TLN2: variants seen among roughly 807,000 people sequenced by gnomAD.
The protein encoded by TLN2 is talin 2.
A neutral mutation model predicts 294.7 loss-of-function variants in TLN2; 118 were observed. The observed-to-expected ratio is 0.40, with a 90% CI of 0.34 to 0.47. TLN2 has a LOEUF of 0.47. Among genes scored for constraint, TLN2 ranks in the 20% least tolerant of loss-of-function variants. The pLI is 0.84. For synonymous variants in TLN2, 1,431 were observed against 1,304.5 expected, an observed-to-expected ratio of 1.10 and a Z score of -2.09; for missense variants, 3,083 against 3,282.2, an observed-to-expected ratio of 0.94 and a Z score of 1.48.
rs78197200 is a variant in TLN2, at chr15:62,543,465, A to G, written c.-237-46222A>G. 4.4e-3 allele frequency among the ~76,000 whole-genome samples: 671 copies of G among 152,344 alleles called. 9 individuals are homozygous for G. The highest frequency in any genetic ancestry group is 0.015 in the African/African-American group (635 of 41,576). On this transcript the variant is annotated intron_variant, in intron 1 of 58. Transcript: ENST00000636159. ...TGAAAAATGATGAGACAGATGTAAG[A>G]TGGAGCTCTAGGCCAGACGCGCTGG...
At chr15:62,722,048 C>T (rs147297954) in intron 25 of TLN2, among the ~76,000 whole-genome samples, 19 of 152,212 alleles carry the variant, frequency 1.2e-4, no homozygotes, top group African/African-American at 3.6e-4. Context: ...ACAGTGAAAC[C>T]TATTTAATAA....
intron 50 of TLN2, among the ~76,000 whole-genome samples, chr15:62,804,261 C>T (rs1263285682): frequency 6.6e-6 from 1 of 152,160 alleles, no homozygotes; most frequent in African/African-American, 2.4e-5. Context: ...TCCTGGGAAA[C>T]TACAGACACA....
At chr15:62,681,604 T>C (rs2056834617) in intron 11 of TLN2, among the ~76,000 whole-genome samples, 3 of 152,326 alleles carry the variant, frequency 2.0e-5, no homozygotes, top group African/African-American at 7.2e-5. Context: ...GATGGTAATT[T>C]ACACCTGTGT....
At chr15:62,667,175 C>T (rs551420450) in intron 9 of TLN2, among the ~76,000 whole-genome samples, 11 of 152,200 alleles carry the variant, frequency 7.2e-5, no homozygotes, top group African/African-American at 2.4e-4. Context: ...ACCATGTTAG[C>T]CAGGATGGTC....
At chr15:62,477,045 G>A (rs1212035836) in intron 1 of TLN2, among the ~76,000 whole-genome samples, 3 of 152,178 alleles carry the variant, frequency 2.0e-5, no homozygotes, top group African/African-American at 7.2e-5. Context: ...TATTTCTTGA[G>A]TATTTACTAT....
chr15:62,507,275 A>G (rs1398127656), intron 1 of TLN2, among the ~76,000 whole-genome samples: 3 of 152,206 alleles, frequency 2.0e-5, no homozygotes, highest in Non-Finnish European at 4.4e-5. Context: ...CTCAAGACGA[A>G]GTTATCAGTC....
At chr15:62,657,683 G>T in intron 8 of TLN2, 88 bp from the exon 9 acceptor site, 2 of 1,525,404 alleles carry the variant, frequency 1.3e-6, no homozygotes, top group Non-Finnish European at 8.8e-7. Flanking sequence ...GCTCCACAGA[G>T]GGTGTACTGG....
intron 12 of TLN2, among the ~76,000 whole-genome samples, chr15:62,689,855 T>C (rs867455451): frequency 6.0e-5 from 3 of 49,610 alleles, no homozygotes; most frequent in Admixed American, 2.2e-4. Context: ...TCTTTTTTTT[T>C]TTTTTTTTTT....
intron 1 of TLN2, among the ~76,000 whole-genome samples, chr15:62,466,504 C>G (rs1212397476): frequency 2.0e-5 from 3 of 152,240 alleles, no homozygotes; most frequent in African/African-American, 7.2e-5. Context: ...CCAAAAACGT[C>G]TCCAGACATT....
chr15:62,708,643 G>T lies in TLN2; in HGVS notation c.2314G>T (p.Ala772Ser), dbSNP rs150742531. 5.9e-5 allele frequency: 95 copies of T among 1,614,076 alleles called. No homozygotes were observed. The highest frequency in any genetic ancestry group is 7.6e-5 in the Non-Finnish European group (90 of 1,180,052). ...TAGTGAGCTCCTGAAGCAGGTCAGC[G>T]CAGCGGCCAGCGTGGTCAGCCAGGC... ...TDSELLKQVS[A>S]AASVVSQALH... The change falls in exon 21 of 59, where the codon GCA becomes TCA. Residue 772 changes from alanine to serine, a missense_variant. Transcript: ENST00000636159.
At chr15:62,634,759 G>A (rs921935391) in intron 3 of TLN2, among the ~76,000 whole-genome samples, 5 of 152,200 alleles carry the variant, frequency 3.3e-5, no homozygotes, top group African/African-American at 1.2e-4. Flanking sequence ...ATTCGGGTTC[G>A]ATCTGGTAGG....
intron 1 of TLN2, among the ~76,000 whole-genome samples, chr15:62,429,653 G>A (rs946545751): frequency 6.6e-6 from 1 of 152,166 alleles, no homozygotes; most frequent in African/African-American, 2.4e-5. Flanking sequence ...TAATTTTGGG[G>A]GTGGGAACTG....
intron 3 of TLN2, among the ~76,000 whole-genome samples, chr15:62,641,073 A>G (rs1319680450): frequency 6.6e-6 from 1 of 151,918 alleles, no homozygotes; most frequent in Non-Finnish European, 1.5e-5. Flanking sequence ...AAGTACTAGG[A>G]TTACAGGCAT....
At chr15:62,437,584 A>G (rs2140299599) in intron 1 of TLN2, among the ~76,000 whole-genome samples, 1 of 152,222 alleles carries the variant, frequency 6.6e-6, no homozygotes, top group South Asian at 2.1e-4. Flanking sequence ...TGGTATAGGT[A>G]CATTTGGGCA....
Position 62,736,961 on chromosome 15 carries a change from G to A in TLN2, c.3442G>A (p.Ala1148Thr), listed in dbSNP as rs2280279. 868 of 1,614,166 alleles carry A rather than the reference G, an allele frequency of 5.4e-4. 4 individuals carry two copies. In the African/African-American group the frequency reaches 0.01, roughly 19 times the overall value. Residue 1148 changes from alanine (A) to threonine (T), a missense_variant, in exon 29 of 59, where the codon GCG becomes ACG. Transcript: ENST00000636159. ...AGTGGCTGCATCGACAACCGACCCC[G>A]CGGCCGCCCATGCCATGTTAGATTC... Reference protein sequence around the residue: ...RGVAASTTDPAAAHAMLDSAR... With the variant: ...RGVAASTTDPTAAHAMLDSAR...
At chr15:62,619,766 G>A (rs1053092365) in intron 3 of TLN2, among the ~76,000 whole-genome samples, 2 of 152,316 alleles carry the variant, frequency 1.3e-5, no homozygotes, top group African/African-American at 2.4e-5. Flanking sequence ...CTAGAGCCTT[G>A]GAGGGTAGCG....
intron 19 of TLN2, among the ~76,000 whole-genome samples, chr15:62,705,699 G>A (rs1226044384): frequency 6.6e-6 from 1 of 152,340 alleles, no homozygotes; most frequent in East Asian, 1.9e-4. Context: ...CATTCAAGCT[G>A]TGTTTTCACT....
At chr15:62,816,001 G>A (rs1476743598) in intron 52 of TLN2, among the ~76,000 whole-genome samples, 1 of 152,070 alleles carries the variant, frequency 6.6e-6, no homozygotes, top group Admixed American at 6.5e-5. Flanking sequence ...TTCTGCAACC[G>A]TCATCAAAGA....
chr15:62,503,722 G>A (rs1162452282), intron 1 of TLN2, among the ~76,000 whole-genome samples: 2 of 152,144 alleles, frequency 1.3e-5, no homozygotes, highest in Non-Finnish European at 2.9e-5. Context: ...GAAGGATATT[G>A]TCCTGTTGTG....
Sources: gnomAD v4.1 joint callset for allele counts (sites outside exome capture counted in the v4.1 genomes callset) on GRCh38, gnomAD v4.1.1 for gene constraint, MANE v1.5 for transcripts, NCBI Gene and HGNC (gene_info 2026-07-23, HGNC 2026-07-21) for gene names.